RNGTT: variants seen among roughly 807,000 people sequenced by gnomAD.
RNGTT encodes the protein RNA guanylyltransferase and 5'-phosphatase, also known as mRNA-capping enzyme.
In RNGTT, 33 loss-of-function variants were observed where a neutral mutation model predicts 79.3. The ratio of observed to expected loss-of-function variants is 0.42; its 90% CI spans 0.32 to 0.56. The LOEUF (loss-of-function observed/expected upper bound fraction) is 0.56, where lower values mean the gene tolerates loss of function less well. Ranked by LOEUF, RNGTT falls within the 20% of genes least tolerant of loss-of-function variation. The pLI, the probability that RNGTT is intolerant of heterozygous loss-of-function variation, is 0.17. For synonymous variants in RNGTT, 222 were observed against 235.9 expected (o/e 0.94, Z 0.54); for missense variants, 497 against 739.1 (o/e 0.67, Z 3.80).
intron 13 of RNGTT, among the ~76,000 whole-genome samples, chr6:88,739,585 C>T (rs1467146942): frequency 6.6e-6 from 1 of 151,454 alleles, no homozygotes; most frequent in African/African-American, 2.4e-5. Flanking sequence ...GTGACAAAGA[C>T]AGGCTCAAAA....
In RNGTT at chr6:88,705,103, T is replaced by G. The variant is rs533972283; in HGVS notation, c.1440-26684A>C. On this transcript the variant is annotated intron_variant, in intron 13 of 15. Coordinates refer to ENST00000369485, the MANE Select transcript of RNGTT (RefSeq NM_003800.5). ...GCTGGTTTTATGGAATTCCTTTAGATGCACTATGACTCAACATTGAAACCA... is the reference window on the plus strand; with the variant it reads ...GCTGGTTTTATGGAATTCCTTTAGAGGCACTATGACTCAACATTGAAACCA... Among the ~76,000 whole-genome samples, 5 of 152,288 alleles carry G rather than the reference T, an allele frequency of 3.3e-5. No homozygotes were observed. The East Asian group carries it at 7.7e-4, about 24-fold the overall frequency.
At chr6:88,780,823 A>C (rs946872069) in intron 12 of RNGTT, among the ~76,000 whole-genome samples, 3 of 152,228 alleles carry the variant, frequency 2.0e-5, no homozygotes, top group Non-Finnish European at 4.4e-5. Context: ...GCCAAAGAGA[A>C]GTCTGTAAAA....
At chr6:88,885,752 TAATA>T (rs1782835858) in intron 8 of RNGTT, among the ~76,000 whole-genome samples, 1 of 152,048 alleles carries the variant, frequency 6.6e-6, no homozygotes, top group Non-Finnish European at 1.5e-5. Flanking sequence ...AAAAATAAAA[TAATA>T]AACAGAAATA....
chr6:88,801,647 C>T lies in RNGTT; in HGVS notation c.1270-15G>A, dbSNP rs780992342. 2 of 1,522,310 alleles carry T rather than the reference C, an allele frequency of 1.3e-6. No homozygotes were observed. Among genetic ancestry groups the T allele is most frequent in the Non-Finnish European group, 1.8e-6 (2 of 1,097,870 alleles). The allele number at this position is 1,522,310 out of a possible 1,614,324, so 94.3% of individuals were successfully genotyped here. A position where few individuals can be genotyped will look rare whatever the true frequency, so the allele number is the denominator to read the frequency against. On this transcript the variant is annotated splice_polypyrimidine_tract_variant and intron_variant, in intron 11 of 15. Coordinates refer to ENST00000369485, the MANE Select transcript of RNGTT (RefSeq NM_003800.5). ...CCTTCAAGTAGCTATAAAATAAATA[C>T]ACATGTATTCTTTAAAAATATAATA...
chr6:88,891,953 A>G (rs1245055730), intron 6 of RNGTT, 38 bp from the exon 7 acceptor site: 1 of 1,331,950 alleles, frequency 7.5e-7, no homozygotes. Context: ...GGAAAGAAAA[A>G]TATTTTATTA....
intron 13 of RNGTT, among the ~76,000 whole-genome samples, chr6:88,763,360 T>C (rs1778335465): frequency 6.6e-6 from 1 of 151,626 alleles, no homozygotes; most frequent in Admixed American, 6.6e-5. Flanking sequence ...ACAAGTTTTG[T>C]GTGGGCATAT....
intron 11 of RNGTT, among the ~76,000 whole-genome samples, chr6:88,824,895 A>G (rs536955465): frequency 2.0e-5 from 3 of 151,828 alleles, no homozygotes; most frequent in Admixed American, 6.6e-5. Flanking sequence ...GGCGTCCACC[A>G]CCACGCCCAG....
intron 5 of RNGTT, 80 bp downstream of exon 5, chr6:88,906,285 A>C (rs944529275): frequency 1.2e-6 from 1 of 849,106 alleles, no homozygotes; most frequent in African/African-American, 1.7e-5. Context: ...AAAACTTGAC[A>C]ATACAAAATT....
At chr6:88,644,319 G>C (rs1013575009) in intron 14 of RNGTT, among the ~76,000 whole-genome samples, 1 of 152,074 alleles carries the variant, frequency 6.6e-6, no homozygotes, top group Non-Finnish European at 1.5e-5. Flanking sequence ...TTGAATCTCT[G>C]AATAGACCAA....
intron 14 of RNGTT, among the ~76,000 whole-genome samples, chr6:88,660,668 C>T (rs1450206615): frequency 6.6e-6 from 1 of 152,048 alleles, no homozygotes; most frequent in Non-Finnish European, 1.5e-5. Flanking sequence ...ATTTATACAA[C>T]AATTACTACT....
intron 11 of RNGTT, among the ~76,000 whole-genome samples, chr6:88,830,593 A>G (rs1780826114): frequency 6.6e-6 from 1 of 151,726 alleles, no homozygotes; most frequent in East Asian, 1.9e-4. Context: ...GAACTGAAGG[A>G]GAGAGAGAGA....
intron 11 of RNGTT, among the ~76,000 whole-genome samples, chr6:88,842,087 C>T (rs918925710): frequency 2.6e-5 from 4 of 151,892 alleles, no homozygotes; most frequent in East Asian, 3.8e-4. Context: ...GAATGTCTTA[C>T]GAATATTCAA....
At chr6:88,876,397 G>A (rs916823584) in intron 8 of RNGTT, among the ~76,000 whole-genome samples, 1 of 152,138 alleles carries the variant, frequency 6.6e-6, no homozygotes, top group Non-Finnish European at 1.5e-5. Flanking sequence ...AGTTGGGTGT[G>A]GCGGCACGCG....
chr6:88,693,440 C>T (rs1263897397), intron 13 of RNGTT, among the ~76,000 whole-genome samples: 1 of 151,984 alleles, frequency 6.6e-6, no homozygotes, highest in Non-Finnish European at 1.5e-5. Context: ...TTAGAACAAA[C>T]CAATTACAAG....
intron 11 of RNGTT, 132 bp downstream of exon 11, chr6:88,844,225 A>G: frequency 1.3e-6 from 1 of 772,540 alleles, no homozygotes; most frequent in Non-Finnish European, 2.0e-6. Flanking sequence ...TGGCCAAAAC[A>G]GCGCTATACC....
chr6:88,724,889 C>G (rs1776835142), intron 13 of RNGTT, among the ~76,000 whole-genome samples: 1 of 152,122 alleles, frequency 6.6e-6, no homozygotes, highest in South Asian at 2.1e-4. Flanking sequence ...CAATCAGAAT[C>G]ACTTTAGCCT....
chr6:88,926,519 A>G (rs1452579659), intron 4 of RNGTT, among the ~76,000 whole-genome samples: 1 of 152,224 alleles, frequency 6.6e-6, no homozygotes, highest in Non-Finnish European at 1.5e-5. Flanking sequence ...GAAACAAGTA[A>G]CGTCTCTCCA....
chr6:88,617,294 A>G (rs887871930), intron 14 of RNGTT, among the ~76,000 whole-genome samples: 1 of 152,126 alleles, frequency 6.6e-6, no homozygotes, highest in Non-Finnish European at 1.5e-5. Context: ...CTCCTATGTT[A>G]TCTTTTACAA....
intron 12 of RNGTT, among the ~76,000 whole-genome samples, chr6:88,799,760 A>C (rs1270642103): frequency 6.6e-6 from 1 of 151,800 alleles, no homozygotes. Context: ...TGACAAATCA[A>C]CTGCCTATAC....
Sources: gnomAD v4.1 joint callset for allele counts (sites outside exome capture counted in the v4.1 genomes callset) on GRCh38, gnomAD v4.1.1 for gene constraint, MANE v1.5 for transcripts, NCBI Gene and HGNC (gene_info 2026-07-23, HGNC 2026-07-21) for gene names.